The following NSUN7 variants were observed in gnomAD, a reference collection of about 807,000 sequenced individuals.
The protein encoded by NSUN7 is protein NSUN7.
A neutral mutation model predicts 58.5 loss-of-function variants in NSUN7; 39 were observed. The ratio of observed to expected loss-of-function variants is 0.67; its 90% CI spans 0.52 to 0.87. The LOEUF (loss-of-function observed/expected upper bound fraction) is 0.87. Among genes scored for constraint, NSUN7 ranks in the 40% least tolerant of loss-of-function variants. NSUN7 has a pLI of 0.00. For synonymous variants in NSUN7, 278 were observed against 303.7 expected, an observed-to-expected ratio of 0.92 and a Z score of 0.88; for missense variants, 765 against 844.1, an observed-to-expected ratio of 0.91 and a Z score of 1.16.
At chr4:40,781,838 T>C (rs564089106) in intron 7 of NSUN7, among the ~76,000 whole-genome samples, 3 of 152,318 alleles carry the variant, frequency 2.0e-5, no homozygotes, top group African/African-American at 7.2e-5. Flanking sequence ...CAGAAAAAGA[T>C]ATGCTGTGTG....
chr4:40,788,568 G>C (rs1031145749), intron 7 of NSUN7, among the ~76,000 whole-genome samples: 1 of 152,186 alleles, frequency 6.6e-6, no homozygotes, highest in Non-Finnish European at 1.5e-5. Flanking sequence ...CTGATTCTCC[G>C]TTTCTCCATT....
Position 40,810,028 on chromosome 4 carries a change from A to G in NSUN7, c.*1089A>G, listed in dbSNP as rs1165180466. On this transcript the variant is annotated 3_prime_UTR_variant, in exon 12 of 12. Coordinates refer to ENST00000381782, the MANE Select transcript of NSUN7 (RefSeq NM_024677.6). ...TAAAAACATTCATAGACATATTCAT[A>G]AAGTTTGAATTTAAAGTTTTATTTT... The G allele has an allele frequency of 6.6e-6, 1 of 152,236 alleles. No homozygotes were observed. Among genetic ancestry groups the G allele is most frequent in the Non-Finnish European group, 1.5e-5 (1 of 68,040 alleles). The allele number at this position is 152,236 out of a possible 1,614,324, so 9.4% of individuals were successfully genotyped here. A position where few individuals can be genotyped will look rare whatever the true frequency, so the allele number is the denominator to read the frequency against.
At chr4:40,762,309 G>T (rs1741497248) in intron 4 of NSUN7, among the ~76,000 whole-genome samples, 1 of 152,166 alleles carries the variant, frequency 6.6e-6, no homozygotes, top group Non-Finnish European at 1.5e-5. Flanking sequence ...AACTTTAATA[G>T]AAAGTACAAT....
intron 2 of NSUN7, among the ~76,000 whole-genome samples, chr4:40,759,736 A>C (rs1286802776): frequency 6.6e-6 from 1 of 152,190 alleles, no homozygotes; most frequent in Admixed American, 6.5e-5. Context: ...ACATACAACA[A>C]AAATTCTAAA....
chr4:40,808,394 T>C lies in NSUN7; in HGVS notation c.1612T>C (p.Ser538Pro), dbSNP rs1349882343. 2 of 1,613,890 alleles carry C rather than the reference T, an allele frequency of 1.2e-6. No individual in the cohort carries two copies. The highest frequency in any genetic ancestry group is 4.5e-5 in the East Asian group (2 of 44,868). ...GCTGGATGGGATTGAGTTGGGTAAATCATCAAAACGGGAGAAGAAGAAGAA... is the reference window on the plus strand; with the variant it reads ...GCTGGATGGGATTGAGTTGGGTAAACCATCAAAACGGGAGAAGAAGAAGAA... The part of the protein sequence containing the change: ...GLLDGIELGK[S>P]SKREKKKKKS... Residue 538 changes from serine to proline, a missense_variant, in exon 12 of 12, where the codon TCA (serine) becomes CCA (proline). By Grantham distance (74) the Ser-to-Pro change is moderately conservative. Transcript: ENST00000381782.
intron 4 of NSUN7, 105 bp from the exon 5 acceptor site, chr4:40,774,160 T>C: frequency 9.8e-7 from 1 of 1,019,140 alleles, no homozygotes; most frequent in East Asian, 2.5e-5. Context: ...TGAAATAGAA[T>C]TGTTATTTGT....
intron 4 of NSUN7, among the ~76,000 whole-genome samples, chr4:40,767,073 T>C (rs1468589384): frequency 2.0e-5 from 3 of 151,370 alleles, no homozygotes; most frequent in African/African-American, 4.9e-5. Context: ...TTTTTGTGTC[T>C]CTATTTCCTT....
chr4:40,793,490 C>T (rs1210310285), intron 8 of NSUN7, among the ~76,000 whole-genome samples: 2 of 152,014 alleles, frequency 1.3e-5, no homozygotes, highest in East Asian at 1.9e-4. Flanking sequence ...AAAACAAAAC[C>T]TCATGAAATG....
In NSUN7 at chr4:40,799,073, C is replaced by CTTTTTGTTTTTTTTTTTTTTT. The variant is rs1553919775; in HGVS notation, c.1400+174_1400+175insGTTTTTTTTTTTTTTTTTTTT. On this transcript the variant is annotated intron_variant, in intron 10 of 11. Coordinates refer to ENST00000381782, the MANE Select transcript of NSUN7 (RefSeq NM_024677.6). ...AACCAAGATTCCATAGGGCCTTTTT[C>CTTTTTGTTTTTTTTTTTTTTT]TTTTTTTTTTTTTTTTTTTTTTTTT... is the stretch of plus-strand genomic sequence containing the variant. Among the ~76,000 whole-genome samples the CTTTTTGTTTTTTTTTTTTTTT allele has an allele frequency of 6.6e-5, 5 of 76,208 alleles. 2 individuals are homozygous for CTTTTTGTTTTTTTTTTTTTTT. Among genetic ancestry groups the CTTTTTGTTTTTTTTTTTTTTT allele is most frequent in the African/African-American group, 2.0e-4 (4 of 20,140 alleles). 50.0% of individuals were successfully genotyped at this position (76,208 alleles called of 152,430 possible).
intron 4 of NSUN7, among the ~76,000 whole-genome samples, chr4:40,768,225 G>A (rs953905479): frequency 4.8e-5 from 7 of 146,176 alleles, no homozygotes; most frequent in African/African-American, 1.0e-4. Flanking sequence ...TTTTTGAGAC[G>A]GACTCTTGCT....
intron 2 of NSUN7, among the ~76,000 whole-genome samples, chr4:40,755,663 AG>A (rs1741107081): frequency 1.3e-5 from 2 of 152,228 alleles, no homozygotes. Flanking sequence ...TTTGCGAATT[AG>A]TAACTGTAGT....
intron 11 of NSUN7, among the ~76,000 whole-genome samples, chr4:40,807,466 G>A (rs556707424): frequency 6.6e-6 from 1 of 151,524 alleles, no homozygotes; most frequent in South Asian, 2.1e-4. Flanking sequence ...CTCTGACTCA[G>A]CCTCAACCTA....
At chr4:40,797,031 T>C (rs548626527) in intron 9 of NSUN7, among the ~76,000 whole-genome samples, 13 of 152,320 alleles carry the variant, frequency 8.5e-5, no homozygotes, top group African/African-American at 3.1e-4. Context: ...GTTGTGTCAG[T>C]TGCCAGCCCT....
At chr4:40,751,415 C>T (rs1214548862) in intron 2 of NSUN7, among the ~76,000 whole-genome samples, 1 of 151,368 alleles carries the variant, frequency 6.6e-6, no homozygotes, top group African/African-American at 2.4e-5. Context: ...TGAGCCACCA[C>T]GCCTGGCCTC....
intron 7 of NSUN7, 59 bp downstream of exon 7, chr4:40,776,318 A>G (rs1742266831): frequency 8.3e-7 from 1 of 1,204,554 alleles, no homozygotes; most frequent in South Asian, 1.5e-5. Flanking sequence ...TAGAAACGTT[A>G]AAAAGTTTTA....
intron 7 of NSUN7, among the ~76,000 whole-genome samples, chr4:40,779,692 TATAATCTA>T (rs1742434113): frequency 6.6e-6 from 1 of 152,172 alleles, no homozygotes; most frequent in African/African-American, 2.4e-5. Flanking sequence ...TCTAAATGAT[TATAATCTA>T]ATGTTTAATG....
At chr4:40,751,557 T>C (rs183989831) in intron 2 of NSUN7, among the ~76,000 whole-genome samples, 1 of 152,182 alleles carries the variant, frequency 6.6e-6, no homozygotes, top group African/African-American at 2.4e-5. Flanking sequence ...AGGTGCAAAA[T>C]TTAAAAAATG....
Position 40,750,713 on chromosome 4 carries a change from A to G in NSUN7, c.20A>G (p.Glu7Gly), listed in dbSNP as rs201556028. 3.7e-5 allele frequency: 60 copies of G among 1,613,426 alleles called. No homozygotes were observed. Among genetic ancestry groups the G allele is most frequent in the Non-Finnish European group, 4.6e-5 (54 of 1,179,760 alleles). Residue 7 changes from glutamate (E) to glycine (G), a missense_variant, in exon 2 of 12, where the codon GAA (glutamate) becomes GGA (glycine). Coordinates refer to ENST00000381782, the MANE Select transcript of NSUN7 (RefSeq NM_024677.6). The stretch of plus-strand genomic sequence containing the variant: ...GCAGACATGCTGAATTCCACGGGCG[A>G]ACTGGAGTTTTCGAACGAAGAAGAT... Reference protein sequence around the residue: MLNSTGELEFSNEEDPE... With the variant: MLNSTGGLEFSNEEDPE...
intron 2 of NSUN7, among the ~76,000 whole-genome samples, chr4:40,756,648 A>G (rs1204065541): frequency 2.6e-5 from 4 of 152,224 alleles, no homozygotes; most frequent in Admixed American, 1.3e-4. Context: ...CTCTGTGACT[A>G]TGAACACATT....
Sources: allele counts gnomAD v4.1 joint callset (sites outside exome capture counted in the v4.1 genomes callset), GRCh38; gene constraint gnomAD v4.1.1; transcripts MANE v1.5; gene names NCBI Gene and HGNC (gene_info 2026-07-23, HGNC 2026-07-21).